The following PRKN variants were observed in gnomAD, a reference collection of about 807,000 sequenced individuals.
The protein encoded by PRKN is parkin RBR E3 ubiquitin protein ligase.
Under a neutral mutation model 59.5 loss-of-function variants are expected in PRKN, and 56 were observed. The observed-to-expected ratio is 0.94, with a 90% confidence interval of 0.76 to 1.18. PRKN has a LOEUF of 1.18. PRKN is among the 50% of genes most tolerant of loss of function. The pLI, the probability that PRKN is intolerant of heterozygous loss-of-function variation, is 0.00. For missense variants in PRKN, 657 were observed against 596.4 expected (o/e 1.10, Z -1.06); for synonymous variants, 250 against 222.1 (o/e 1.13, Z -1.12).
intron 2 of PRKN, among the ~76,000 whole-genome samples, chr6:162,309,483 C>T (rs1165031952): frequency 1.3e-5 from 2 of 152,150 alleles, no homozygotes; most frequent in Non-Finnish European, 2.9e-5. Context: ...GAAGATGCTC[C>T]TGAATCTGAC....
chr6:161,609,770 G>C (rs1050567689), intron 7 of PRKN, among the ~76,000 whole-genome samples: 5 of 152,198 alleles, frequency 3.3e-5, no homozygotes, highest in African/African-American at 9.7e-5. Flanking sequence ...GGCGAGGTCT[G>C]TGCTGGACTC....
chr6:162,034,186 T>TATATATATAG (rs1349695864), intron 5 of PRKN, among the ~76,000 whole-genome samples: 10 of 133,300 alleles, frequency 7.5e-5, no homozygotes, highest in South Asian at 2.4e-4. Context: ...TATATATATA[T>TATATATATAG]AGAGAGAGAG....
intron 5 of PRKN, among the ~76,000 whole-genome samples, chr6:162,020,900 C>T (rs544701965): frequency 5.9e-5 from 9 of 151,660 alleles, no homozygotes; most frequent in South Asian, 2.1e-4. Context: ...GTCAGGACTT[C>T]GAGATCAGCC....
At chr6:161,406,664 T>C (rs1787292204) in intron 9 of PRKN, among the ~76,000 whole-genome samples, 1 of 152,318 alleles carries the variant, frequency 6.6e-6, no homozygotes, top group African/African-American at 2.4e-5. Context: ...AAAAACTCCT[T>C]TGGCCCCAGT....
chr6:161,573,911 A>T (rs1416672059), intron 7 of PRKN, among the ~76,000 whole-genome samples: 1 of 150,910 alleles, frequency 6.6e-6, no homozygotes, highest in African/African-American at 2.4e-5. Context: ...TAAAATAAGA[A>T]ACACAATTTT....
At chr6:162,203,636 T>C (rs892419533) in intron 3 of PRKN, among the ~76,000 whole-genome samples, 15 of 152,180 alleles carry the variant, frequency 9.9e-5, no homozygotes, top group African/African-American at 3.4e-4. Flanking sequence ...GGGCCTAAAG[T>C]AGAAACTCTT....
At chr6:162,362,004 T>C (rs1177743141) in intron 2 of PRKN, among the ~76,000 whole-genome samples, 1 of 152,214 alleles carries the variant, frequency 6.6e-6, no homozygotes, top group African/African-American at 2.4e-5. Context: ...TGTGCAGCTC[T>C]CAGATTTTCA....
In PRKN at chr6:161,650,667, C is replaced by T. The variant is rs950996124; in HGVS notation, c.872-81251G>A. ...TACTCGGCCTTTCAATTTTGTAATA[C>T]GGCCAATGAGGAATTTCGGCAAATC... On this transcript the variant is annotated intron_variant, in intron 7 of 11. Transcript: ENST00000366898. 1.8e-4 allele frequency among the ~76,000 whole-genome samples: 28 copies of T among 152,282 alleles called. 2 individuals are homozygous for T. Among genetic ancestry groups the T allele is most frequent in the African/African-American group, 2.4e-4 (10 of 41,552 alleles).
intron 1 of PRKN, among the ~76,000 whole-genome samples, chr6:162,462,483 G>GGT (rs1791222196): frequency 6.6e-6 from 1 of 152,064 alleles, no homozygotes; most frequent in Non-Finnish European, 1.5e-5. Context: ...TTATAACCAA[G>GGT]GTGTGTGTGT....
intron 2 of PRKN, among the ~76,000 whole-genome samples, chr6:162,351,528 A>G (rs1416907636): frequency 6.6e-6 from 1 of 152,140 alleles, no homozygotes; most frequent in Non-Finnish European, 1.5e-5. Flanking sequence ...AGAGATTGCC[A>G]TTTTCTTTGG....
chr6:162,221,026 A>C (rs889512432), intron 3 of PRKN, among the ~76,000 whole-genome samples: 21 of 152,312 alleles, frequency 1.4e-4, no homozygotes, highest in African/African-American at 4.3e-4. Context: ...AGAGCGGAGA[A>C]TGGTAATGTA....
At chr6:162,532,186 G>T (rs1778542977) in intron 1 of PRKN, among the ~76,000 whole-genome samples, 1 of 57,332 alleles carries the variant, frequency 1.7e-5, no homozygotes, top group Admixed American at 1.8e-4. Flanking sequence ...ACAAATCCAA[G>T]TATGTCCCTA....
chr6:162,346,453 C>CA (rs1554302783), intron 2 of PRKN, among the ~76,000 whole-genome samples: 1,298 of 50,558 alleles, frequency 0.026, 25 homozygotes, highest in East Asian at 0.098. Flanking sequence ...TCTGTCTCTA[C>CA]AAAAAAAAAA....
intron 6 of PRKN, among the ~76,000 whole-genome samples, chr6:161,925,516 A>AGCT (rs1778937525): frequency 6.6e-6 from 1 of 152,166 alleles, no homozygotes; most frequent in Admixed American, 6.5e-5. Context: ...GGTTGCAGCG[A>AGCT]GCTGAGATCG....
intron 5 of PRKN, among the ~76,000 whole-genome samples, chr6:161,985,386 T>C (rs2128255742): frequency 6.6e-6 from 1 of 152,318 alleles, no homozygotes; most frequent in African/African-American, 2.4e-5. Flanking sequence ...GTTGTTAACA[T>C]GGAATATTTC....
At chr6:162,312,297 T>A (rs78595747) in intron 2 of PRKN, among the ~76,000 whole-genome samples, 6,070 of 152,182 alleles carry the variant, frequency 0.04, 364 homozygotes, top group African/African-American at 0.13. Flanking sequence ...TTGCTGGCCT[T>A]TGTTTCCTTT....
At chr6:161,875,369 T>G (rs1794696458) in intron 6 of PRKN, among the ~76,000 whole-genome samples, 1 of 151,304 alleles carries the variant, frequency 6.6e-6, no homozygotes, top group Non-Finnish European at 1.5e-5. Context: ...AATTTTTGTA[T>G]TTTTTGTAGA....
chr6:162,175,501 C>G (rs1783491309), intron 4 of PRKN, among the ~76,000 whole-genome samples: 1 of 152,136 alleles, frequency 6.6e-6, no homozygotes, highest in Non-Finnish European at 1.5e-5. Context: ...TAGCTAAAAA[C>G]AAATCAAACG....
intron 2 of PRKN, among the ~76,000 whole-genome samples, chr6:162,307,258 G>A (rs1782274442): frequency 6.6e-6 from 1 of 151,974 alleles, no homozygotes; most frequent in African/African-American, 2.4e-5. Flanking sequence ...AAATTAGCCA[G>A]TCATGCTGGT....
Sources: allele counts gnomAD v4.1 joint callset (sites outside exome capture counted in the v4.1 genomes callset), GRCh38; gene constraint gnomAD v4.1.1; transcripts MANE v1.5; gene names NCBI Gene and HGNC (gene_info 2026-07-23, HGNC 2026-07-21).